Variants in NUDT3 observed in about 807,000 individuals in gnomAD.
NUDT3 encodes the protein diphosphoinositol polyphosphate phosphohydrolase 1.
A neutral mutation model predicts 23.6 loss-of-function variants in NUDT3; 9 were observed. The ratio of observed to expected loss-of-function variants is 0.38; its 90% CI spans 0.23 to 0.66. NUDT3 has a LOEUF of 0.66. NUDT3 is among the 30% of genes least tolerant of loss of function. The pLI, the probability that NUDT3 is intolerant of heterozygous loss-of-function variation, is 0.52. For missense variants in NUDT3, 172 were observed against 218.5 expected (o/e 0.79, Z 1.34); for synonymous variants, 86 against 82.6 (o/e 1.04, Z -0.22).
intron 2 of NUDT3, among the ~76,000 whole-genome samples, chr6:34,298,063 T>C (rs1349930839): frequency 6.6e-6 from 1 of 152,036 alleles, no homozygotes; most frequent in African/African-American, 2.4e-5. Flanking sequence ...TCAATATAAT[T>C]AATTTAAAAC....
At chr6:34,358,342 A>G (rs1406488369) in intron 1 of NUDT3, among the ~76,000 whole-genome samples, 1 of 152,142 alleles carries the variant, frequency 6.6e-6, no homozygotes, top group East Asian at 1.9e-4. Flanking sequence ...TTAATTTACA[A>G]TAATCGACAG....
chr6:34,379,899 T>G (rs573429967), intron 1 of NUDT3, among the ~76,000 whole-genome samples: 87 of 151,644 alleles, frequency 5.7e-4, no homozygotes, highest in African/African-American at 1.9e-3. Flanking sequence ...CCCAGCTACT[T>G]GGGAGGTGGA....
chr6:34,374,245 C>T (rs1246520962), intron 1 of NUDT3, among the ~76,000 whole-genome samples: 2 of 150,146 alleles, frequency 1.3e-5, no homozygotes, highest in Non-Finnish European at 3.0e-5. Context: ...TATCTTTGTA[C>T]ATATTATTTT....
rs543186063 is a variant in NUDT3, at chr6:34,319,489, T to C, written c.210+22373A>G. Among the ~76,000 whole-genome samples, 5 of 152,176 alleles carry C rather than the reference T, an allele frequency of 3.3e-5. No homozygotes were observed. In the South Asian group the frequency reaches 1.0e-3, roughly 32 times the overall value. On this transcript the variant is annotated intron_variant, in intron 2 of 4. Transcript: ENST00000607016. ...AGATTAAGAGATGCACAGGGCGAGG[T>C]TGGGGGAAGCTGCACAGAGCTTCCA...
chr6:34,354,749 A>ATATATATATT (rs570166534), intron 1 of NUDT3, among the ~76,000 whole-genome samples: 1 of 144,540 alleles, frequency 6.9e-6, no homozygotes, highest in African/African-American at 2.5e-5. Flanking sequence ...ATATATATAT[A>ATATATATATT]TATTTATTTA....
rs537970809 is a variant in NUDT3 at position 34,319,130 on chromosome 6, A to G, written c.210+22732T>C. ...TTTTTTCTGTGCTCTCACACCAAAC[A>G]ATCAACACAGAAGGCTTCTGTAACA... is the stretch of plus-strand genomic sequence containing the variant. On this transcript the variant is annotated intron_variant, in intron 2 of 4. Coordinates refer to ENST00000607016, the MANE Select transcript of NUDT3 (RefSeq NM_006703.4). 8.5e-5 allele frequency among the ~76,000 whole-genome samples: 13 copies of G among 152,164 alleles called. 1 individual carries two copies. The South Asian group carries it at 2.7e-3, about 32-fold the overall frequency.
At chr6:34,380,264 C>G (rs1037476445) in intron 1 of NUDT3, among the ~76,000 whole-genome samples, 1 of 151,952 alleles carries the variant, frequency 6.6e-6, no homozygotes, top group African/African-American at 2.4e-5. Context: ...GTTGACCAAG[C>G]TGGTCTTGAA....
chr6:34,307,845 G>A (rs1189157098), intron 2 of NUDT3, among the ~76,000 whole-genome samples: 11 of 151,946 alleles, frequency 7.2e-5, no homozygotes, highest in Non-Finnish European at 1.5e-4. Flanking sequence ...AGGGTTGGGT[G>A]CAGGGGCTCA....
At position 34,293,437 on chromosome 6, in the gene NUDT3, TG is replaced by T. The variant is rs1763453143; in HGVS notation, c.340+13del. On this transcript the variant is annotated intron_variant, in intron 4 of 4. Coordinates refer to ENST00000607016, the MANE Select transcript of NUDT3 (RefSeq NM_006703.4). ...TGTGAGGAACCCTTTCCAGGCTGTC[TG>T]GAGATGGCTTACCAATGTTAACTGA... 6.2e-7 allele frequency: 1 copy of T among 1,613,976 alleles called. No individual in the cohort carries two copies. The highest frequency in any genetic ancestry group is 1.3e-5 in the African/African-American group (1 of 74,920).
intron 1 of NUDT3, among the ~76,000 whole-genome samples, chr6:34,342,289 C>CAAAAAAAAAAAAA (rs200954440): frequency 1.4e-4 from 9 of 66,486 alleles, no homozygotes; most frequent in South Asian, 4.6e-4. Context: ...TAGAAGACTT[C>CAAAAAAAAAAAAA]AAAAAAAAAA....
At chr6:34,381,450 G>GA (rs924346027) in intron 1 of NUDT3, among the ~76,000 whole-genome samples, 5 of 148,120 alleles carry the variant, frequency 3.4e-5, no homozygotes, top group Middle Eastern at 3.4e-3. Context: ...ATTCCCTCTT[G>GA]AAAAAAAAAT....
intron 1 of NUDT3, among the ~76,000 whole-genome samples, chr6:34,379,905 G>A (rs1417737313): frequency 6.6e-6 from 1 of 151,786 alleles, no homozygotes; most frequent in Non-Finnish European, 1.5e-5. Context: ...TACTTGGGAG[G>A]TGGAGGCAGG....
intron 1 of NUDT3, among the ~76,000 whole-genome samples, chr6:34,354,394 A>AACACACACACACAC (rs370168110): frequency 0.015 from 2,066 of 137,600 alleles, 22 homozygotes; most frequent in African/African-American, 0.025. Flanking sequence ...GATTTCATTA[A>AACACACACACACAC]ACACACACAC....
At chr6:34,362,627 TG>T (rs1459692940) in intron 1 of NUDT3, among the ~76,000 whole-genome samples, 1 of 152,256 alleles carries the variant, frequency 6.6e-6, no homozygotes, top group African/African-American at 2.4e-5. Flanking sequence ...AGCTAATTTT[TG>T]CATTTTTAGT....
chr6:34,337,235 C>T (rs952179359), intron 2 of NUDT3, among the ~76,000 whole-genome samples: 1 of 152,160 alleles, frequency 6.6e-6, no homozygotes, highest in Admixed American at 6.5e-5. Context: ...ATATGATTCT[C>T]CTCTGACTGC....
At position 34,385,769 on chromosome 6, in the gene NUDT3, C is replaced by T. The variant is rs142480178; in HGVS notation, c.99+6495G>A. Among the ~76,000 whole-genome samples, 1,387 of 151,882 alleles carry T rather than the reference C, an allele frequency of 9.1e-3. 14 individuals are homozygous for T. Among genetic ancestry groups the T allele is most frequent in the Middle Eastern group, 0.024 (7 of 294 alleles). ...CGTGCTGTTGGCTCACTGCAACCTC[C>T]GTCTCCTGGGTTCAAGCAATTCTTG... On this transcript the variant is annotated intron_variant, in intron 1 of 4. Coordinates refer to ENST00000607016, the MANE Select transcript of NUDT3 (RefSeq NM_006703.4).
chr6:34,329,423 G>A (rs1190177583), intron 2 of NUDT3, among the ~76,000 whole-genome samples: 1 of 152,110 alleles, frequency 6.6e-6, no homozygotes, highest in Admixed American at 6.6e-5. Flanking sequence ...TGGGATTACA[G>A]GCGCCTGCCA....
chr6:34,392,162 G>A (rs544865853), intron 1 of NUDT3, 102 bp downstream of exon 1: 1 of 790,174 alleles, frequency 1.3e-6, no homozygotes, highest in African/African-American at 1.8e-5. Flanking sequence ...GCCCGAGCGG[G>A]GCGGCCCTGG....
intron 2 of NUDT3, among the ~76,000 whole-genome samples, chr6:34,311,348 A>G (rs1763768494): frequency 1.3e-5 from 2 of 152,232 alleles, no homozygotes; most frequent in South Asian, 2.1e-4. Context: ...AGCACCTCCT[A>G]AAGTGAAATA....
Sources: gnomAD v4.1 joint callset for allele counts (sites outside exome capture counted in the v4.1 genomes callset) on GRCh38, gnomAD v4.1.1 for gene constraint, MANE v1.5 for transcripts, NCBI Gene and HGNC (gene_info 2026-07-23, HGNC 2026-07-21) for gene names.